AK5: variants seen among roughly 807,000 people sequenced by gnomAD.
The protein encoded by AK5 is adenylate kinase 5.
Under a neutral mutation model 69.5 loss-of-function variants are expected in AK5, and 27 were observed. That is an observed-to-expected ratio of 0.39 (90% CI 0.29 to 0.54). The LOEUF is 0.54. Among genes scored for constraint, AK5 ranks in the 20% least tolerant of loss-of-function variants. The pLI is 0.71. For synonymous variants in AK5, 260 were observed against 244.4 expected, an observed-to-expected ratio of 1.06 and a Z score of -0.60; for missense variants, 531 against 700.4, an observed-to-expected ratio of 0.76 and a Z score of 2.73.
intron 10 of AK5, among the ~76,000 whole-genome samples, chr1:77,510,242 G>A (rs1165577854): frequency 3.3e-5 from 5 of 152,186 alleles, no homozygotes; most frequent in Admixed American, 6.5e-5. Context: ...TGCCCTCTGC[G>A]AGCTTCAGCC....
chr1:77,286,860 A>T (rs1208423843), intron 1 of AK5, 81 bp from the exon 2 acceptor site: 3 of 753,962 alleles, frequency 4.0e-6, no homozygotes, highest in Non-Finnish European at 5.2e-6. Context: ...AAAATTAATT[A>T]ATTAAATTAA....
At chr1:77,413,796 T>A (rs1310435552) in intron 7 of AK5, among the ~76,000 whole-genome samples, 1 of 151,966 alleles carries the variant, frequency 6.6e-6, no homozygotes, top group African/African-American at 2.4e-5. Flanking sequence ...TGGATCTACT[T>A]CTTCTCTCTT....
intron 8 of AK5, among the ~76,000 whole-genome samples, chr1:77,481,244 G>A (rs912255096): frequency 3.3e-5 from 5 of 152,202 alleles, no homozygotes; most frequent in Admixed American, 6.5e-5. Context: ...TGGGCCCTTC[G>A]CATGACCTCT....
At chr1:77,294,722 G>A (rs967348472) in intron 3 of AK5, among the ~76,000 whole-genome samples, 66 of 151,918 alleles carry the variant, frequency 4.3e-4, no homozygotes, top group African/African-American at 1.5e-3. Flanking sequence ...TGGAATTATC[G>A]GCCCCATGAC....
intron 10 of AK5, among the ~76,000 whole-genome samples, chr1:77,512,357 C>A (rs1029316520): frequency 2.0e-5 from 3 of 152,096 alleles, no homozygotes; most frequent in African/African-American, 7.2e-5. Context: ...TCATTACTGA[C>A]TTTGGATTAT....
At chr1:77,361,356 T>C (rs1014343575) in intron 6 of AK5, among the ~76,000 whole-genome samples, 15 of 152,336 alleles carry the variant, frequency 9.8e-5, no homozygotes, top group African/African-American at 3.1e-4. Flanking sequence ...TTACTACCTA[T>C]AGGACCTGAC....
chr1:77,302,466 T>C lies in AK5; in HGVS notation c.699+4519T>C, dbSNP rs112226839. Among the ~76,000 whole-genome samples, 1,519 of 152,296 alleles carry C rather than the reference T, an allele frequency of 1.0e-2. 7 individuals carry two copies. Among genetic ancestry groups the C allele is most frequent in the Middle Eastern group, 0.031 (9 of 294 alleles). On this transcript the variant is annotated intron_variant, in intron 5 of 13. Coordinates refer to ENST00000354567, the MANE Select transcript of AK5 (RefSeq NM_174858.3). Reference sequence around the variant, plus strand: ...AGTGCAGTTTCATTACGCAGATATATTGCATAGTGGTGATTTCTTTGCTTT... The same window carrying C: ...AGTGCAGTTTCATTACGCAGATATACTGCATAGTGGTGATTTCTTTGCTTT...
intron 6 of AK5, among the ~76,000 whole-genome samples, chr1:77,387,532 G>A (rs1648115092): frequency 6.6e-6 from 1 of 152,124 alleles, no homozygotes; most frequent in Non-Finnish European, 1.5e-5. Flanking sequence ...TACATTTAGA[G>A]CATCTTCGTG....
At chr1:77,525,162 G>T (rs1658203978) in intron 12 of AK5, among the ~76,000 whole-genome samples, 1 of 152,170 alleles carries the variant, frequency 6.6e-6, no homozygotes, top group Non-Finnish European at 1.5e-5. Flanking sequence ...GCCTGCCTTG[G>T]CCTCCCAAAG....
chr1:77,455,105 C>T (rs375668806), intron 8 of AK5, among the ~76,000 whole-genome samples: 15 of 152,182 alleles, frequency 9.9e-5, no homozygotes, highest in South Asian at 6.2e-4. Flanking sequence ...TTAGTAAGCC[C>T]GTTTCATAGA....
chr1:77,350,666 A>G (rs940800436), intron 6 of AK5, among the ~76,000 whole-genome samples: 6 of 152,188 alleles, frequency 3.9e-5, no homozygotes, highest in Non-Finnish European at 5.9e-5. Flanking sequence ...CATGGGAGTA[A>G]TTGGAAAAGT....
chr1:77,446,717 G>T (rs538238137), intron 8 of AK5, among the ~76,000 whole-genome samples: 1 of 152,220 alleles, frequency 6.6e-6, no homozygotes, highest in South Asian at 2.1e-4. Flanking sequence ...TGTTGTTGTT[G>T]TTGTTATTGT....
intron 8 of AK5, among the ~76,000 whole-genome samples, chr1:77,462,122 C>T (rs1653876693): frequency 1.3e-5 from 2 of 152,168 alleles, no homozygotes; most frequent in African/African-American, 4.8e-5. Context: ...TTTTCACAAG[C>T]TCTTATCCTA....
chr1:77,340,731 T>G, intron 6 of AK5, 163 bp downstream of exon 6: 1 of 454,718 alleles, frequency 2.2e-6, no homozygotes, highest in Non-Finnish European at 3.6e-6. Flanking sequence ...TTTGCCTTTT[T>G]AAGCCATCAT....
chr1:77,396,093 CT>C (rs1648809679), intron 6 of AK5, among the ~76,000 whole-genome samples: 1 of 152,182 alleles, frequency 6.6e-6, no homozygotes, highest in Non-Finnish European at 1.5e-5. Flanking sequence ...CAGGTAATCT[CT>C]TTTTCTACAT....
chr1:77,499,424 A>G (rs959646422), intron 10 of AK5, among the ~76,000 whole-genome samples: 1 of 152,160 alleles, frequency 6.6e-6, no homozygotes, highest in African/African-American at 2.4e-5. Context: ...GGCTGCAGGG[A>G]ATCCCTTCAA....
intron 8 of AK5, among the ~76,000 whole-genome samples, chr1:77,479,825 AAGGCC>A (rs1184010947): frequency 6.6e-6 from 1 of 152,146 alleles, no homozygotes; most frequent in Non-Finnish European, 1.5e-5. Flanking sequence ...AACACAGAAA[AAGGCC>A]AGAACACAAA....
chr1:77,324,581 CA>C (rs1660698724), intron 5 of AK5, among the ~76,000 whole-genome samples: 1 of 152,074 alleles, frequency 6.6e-6, no homozygotes, highest in African/African-American at 2.4e-5. Context: ...GATATAAACC[CA>C]CCTGAATGGG....
chr1:77,544,526 T>A (rs1557665915), intron 13 of AK5, among the ~76,000 whole-genome samples: 2 of 152,006 alleles, frequency 1.3e-5, no homozygotes, highest in African/African-American at 4.8e-5. Context: ...TTTTCTATTT[T>A]AAAAAAAGTC....
Sources: allele counts gnomAD v4.1 joint callset (sites outside exome capture counted in the v4.1 genomes callset), GRCh38; gene constraint gnomAD v4.1.1; transcripts MANE v1.5; gene names NCBI Gene and HGNC (gene_info 2026-07-23, HGNC 2026-07-21).